Variants in SLC4A7 observed in about 807,000 individuals in gnomAD.
SLC4A7 encodes sodium bicarbonate cotransporter 3.
Under a neutral mutation model 137.6 loss-of-function variants are expected in SLC4A7, and 51 were observed. That is an observed-to-expected ratio of 0.37 (90% CI 0.30 to 0.47). The LOEUF (loss-of-function observed/expected upper bound fraction) is 0.47. SLC4A7 is among the 20% of genes least tolerant of loss of function. SLC4A7 has a pLI of 1.00. For missense variants in SLC4A7, 1,247 were observed against 1,525.4 expected, an observed-to-expected ratio of 0.82 and a Z score of 3.04; for synonymous variants, 542 against 518.6, an observed-to-expected ratio of 1.05 and a Z score of -0.61.
intron 1 of SLC4A7, among the ~76,000 whole-genome samples, chr3:27,482,963 T>C (rs1300348464): frequency 1.3e-5 from 2 of 152,178 alleles, no homozygotes; most frequent in African/African-American, 2.4e-5. Context: ...ACCTTAACTA[T>C]AATCCTAAAA....
chr3:27,422,129 A>G (rs968063460), intron 8 of SLC4A7, among the ~76,000 whole-genome samples: 7 of 152,226 alleles, frequency 4.6e-5, no homozygotes, highest in African/African-American at 1.7e-4. Flanking sequence ...CAGTGCTAAA[A>G]AATATTCATG....
chr3:27,413,989 C>A (rs1044421820), intron 11 of SLC4A7, among the ~76,000 whole-genome samples: 2 of 152,118 alleles, frequency 1.3e-5, no homozygotes, highest in African/African-American at 2.4e-5. Context: ...ATTAAAAATA[C>A]ACAGTTGAGG....
intron 9 of SLC4A7, among the ~76,000 whole-genome samples, chr3:27,421,374 T>C (rs1383501868): frequency 6.6e-6 from 1 of 152,044 alleles, no homozygotes; most frequent in Non-Finnish European, 1.5e-5. Context: ...TGCACACCTG[T>C]GATCCAGACT....
chr3:27,426,668 CAA>C (rs1448540099), intron 7 of SLC4A7, among the ~76,000 whole-genome samples: 2 of 152,164 alleles, frequency 1.3e-5, no homozygotes, highest in Non-Finnish European at 1.5e-5. Context: ...TCAACATTGA[CAA>C]AGTTAGCAGG....
intron 1 of SLC4A7, among the ~76,000 whole-genome samples, chr3:27,476,910 A>T (rs373877535): frequency 6.6e-6 from 1 of 152,242 alleles, no homozygotes; most frequent in Non-Finnish European, 1.5e-5. Context: ...TATTTGTTCA[A>T]TGTGTAAAAC....
intron 2 of SLC4A7, 80 bp downstream of exon 2, chr3:27,452,337 T>C: frequency 3.2e-6 from 3 of 932,966 alleles, no homozygotes; most frequent in Non-Finnish European, 4.8e-6. Flanking sequence ...AAATACTAGG[T>C]AAAACTTAAA....
In SLC4A7 at chr3:27,446,891, TTTG is replaced by T. The variant is rs1196353282; in HGVS notation, c.289+1757_289+1759del. Among the ~76,000 whole-genome samples, 138 of 59,632 alleles carry T rather than the reference TTTG, an allele frequency of 2.3e-3. 3 individuals carry two copies. The highest frequency in any genetic ancestry group is 6.7e-3 in the African/African-American group (110 of 16,378). 39.1% of individuals were successfully genotyped at this position (59,632 alleles called of 152,430 possible). A position where few individuals can be genotyped will look rare whatever the true frequency, so the allele number is the denominator to read the frequency against. On this transcript the variant is annotated intron_variant, in intron 3 of 25. Transcript: ENST00000454389. The stretch of plus-strand genomic sequence containing the variant: ...TTTTTTTTTGTTTTTTTTTGTTTTT[TTTG>T]TTTTTTTTAAACAGAGTCTCGCTCT...
At chr3:27,443,172 A>G (rs1465384925) in intron 3 of SLC4A7, among the ~76,000 whole-genome samples, 1 of 151,506 alleles carries the variant, frequency 6.6e-6, no homozygotes, top group African/African-American at 2.4e-5. Context: ...CTGGGACTAC[A>G]GGAACGTGCC....
intron 6 of SLC4A7, among the ~76,000 whole-genome samples, chr3:27,432,942 G>A (rs775634987): frequency 1.3e-5 from 2 of 152,154 alleles, no homozygotes; most frequent in African/African-American, 4.8e-5. Context: ...TGGTCCATAA[G>A]AGGTATTCTT....
intron 13 of SLC4A7, among the ~76,000 whole-genome samples, chr3:27,407,160 A>G (rs2053453489): frequency 7.0e-6 from 1 of 143,416 alleles, no homozygotes; most frequent in African/African-American, 2.6e-5. Context: ...GTTCACTGCC[A>G]TACTGTTACC....
intron 3 of SLC4A7, among the ~76,000 whole-genome samples, chr3:27,446,116 ATG>A (rs1354092223): frequency 1.6e-3 from 149 of 93,250 alleles, no homozygotes; most frequent in African/African-American, 3.6e-3. Context: ...TCATTTAACT[ATG>A]TGTGTGTGTA....
At chr3:27,421,376 A>G (rs1358123985) in intron 9 of SLC4A7, among the ~76,000 whole-genome samples, 1 of 152,054 alleles carries the variant, frequency 6.6e-6, no homozygotes, top group African/African-American at 2.4e-5. Context: ...CACACCTGTG[A>G]TCCAGACTAC....
At chr3:27,475,678 A>C (rs2059434483) in intron 1 of SLC4A7, among the ~76,000 whole-genome samples, 1 of 152,222 alleles carries the variant, frequency 6.6e-6, no homozygotes, top group Admixed American at 6.5e-5. Context: ...AGATACAAAC[A>C]GGCTTATAAC....
chr3:27,456,261 C>T lies in SLC4A7; in HGVS notation c.61-3763G>A, dbSNP rs746264938. The stretch of plus-strand genomic sequence containing the variant: ...TTTTTCCATTATATAAGACATATGG[C>T]TATAGCCTAAAGTAATGCCTCCCAT... On this transcript the variant is annotated intron_variant, in intron 1 of 25. Transcript: ENST00000454389. Among the ~76,000 whole-genome samples the T allele has an allele frequency of 3.3e-5, 5 of 152,262 alleles. No homozygotes were observed. The Middle Eastern group carries it at 0.01, about 311-fold the overall frequency.
At chr3:27,458,754 G>GC (rs1466456683) in intron 1 of SLC4A7, among the ~76,000 whole-genome samples, 1 of 152,136 alleles carries the variant, frequency 6.6e-6, no homozygotes, top group Non-Finnish European at 1.5e-5. Context: ...ACCCTGGGAG[G>GC]CCGAGGTGGG....
chr3:27,479,640 A>T (rs891478576), intron 1 of SLC4A7, among the ~76,000 whole-genome samples: 1 of 152,210 alleles, frequency 6.6e-6, no homozygotes, highest in African/African-American at 2.4e-5. Flanking sequence ...TATAATTGCA[A>T]ATAGTCCTAA....
At chr3:27,414,175 G>A (rs1471142176) in intron 11 of SLC4A7, among the ~76,000 whole-genome samples, 1 of 152,164 alleles carries the variant, frequency 6.6e-6, no homozygotes, top group Non-Finnish European at 1.5e-5. Context: ...ACCTACTCGG[G>A]AGGCTGAGGC....
intron 3 of SLC4A7, among the ~76,000 whole-genome samples, chr3:27,438,066 G>T (rs576494639): frequency 2.0e-5 from 3 of 151,878 alleles, no homozygotes; most frequent in Admixed American, 1.3e-4. Flanking sequence ...GCATGGTGGT[G>T]GACGCCTGTA....
rs68093589 is a variant in SLC4A7 at position 27,442,441 on chromosome 3, C to CT, written c.290-4916dup. ...GACGTCAAAAACTACAGCTCATTTT[C>CT]TTTTTTTTTTTTTTTTGAGACAGCG... On this transcript the variant is annotated intron_variant, in intron 3 of 25. Coordinates refer to ENST00000454389, the MANE Select transcript of SLC4A7 (RefSeq NM_001321103.2). 5.9e-3 allele frequency among the ~76,000 whole-genome samples: 807 copies of CT among 136,048 alleles called. 3 individuals are homozygous for CT. Among genetic ancestry groups the CT allele is most frequent in the Middle Eastern group, 7.7e-3 (2 of 260 alleles). 89.3% of individuals were successfully genotyped at this position (136,048 alleles called of 152,430 possible).
Sources: gnomAD v4.1 joint callset for allele counts (sites outside exome capture counted in the v4.1 genomes callset) on GRCh38, gnomAD v4.1.1 for gene constraint, MANE v1.5 for transcripts, NCBI Gene and HGNC (gene_info 2026-07-23, HGNC 2026-07-21) for gene names.